The following C16orf96 variants were observed in gnomAD, a reference collection of about 807,000 sequenced individuals.
C16orf96 encodes the protein chromosome 16 open reading frame 96, also known as uncharacterized protein C16orf96.
C16orf96 carries 108 observed loss-of-function variants against 103.6 expected under a neutral mutation model. The observed-to-expected ratio is 1.04, with a 90% CI of 0.89 to 1.22. C16orf96 has a LOEUF of 1.22. Among genes scored for constraint, C16orf96 ranks in the 50% most tolerant of loss-of-function variants. C16orf96 has a pLI of 0.00. For missense variants in C16orf96, 1,586 were observed against 1,464.2 expected (o/e 1.08, Z -1.36); for synonymous variants, 566 against 593.5 (o/e 0.95, Z 0.67).
In C16orf96 at chr16:4,594,469, C is replaced by G. The variant is rs755411665; in HGVS notation, c.2986C>G (p.Leu996Val). Reference protein sequence around the residue: ...LKCKSCNLLTLYPYGDPHVID... With the variant: ...LKCKSCNLLTVYPYGDPHVID... ...GTGCAAGTCCTGCAACCTGTTGACGCTCTATCCCTACGGGGATCCCCACGT... is the reference window on the plus strand; with the variant it reads ...GTGCAAGTCCTGCAACCTGTTGACGGTCTATCCCTACGGGGATCCCCACGT... The change falls in exon 13 of 16, where the codon CTC becomes GTC. Residue 996 changes from leucine (L) to valine (V), a missense_variant. Coordinates refer to ENST00000444310, the MANE Select transcript of C16orf96 (RefSeq NM_001145011.2). The G allele has an allele frequency of 3.2e-6, 5 of 1,551,522 alleles. No homozygotes were observed. The South Asian group carries it at 5.9e-5, about 18-fold the overall frequency.
At chr16:4,599,992 C>T (rs760729499) in intron 15 of C16orf96, 108 bp from the exon 16 acceptor site, 2 of 1,156,392 alleles carry the variant, frequency 1.7e-6, no homozygotes, top group Admixed American at 2.1e-5. Flanking sequence ...CTGTACAGCA[C>T]TTCTAGTCCT....
At chr16:4,582,546 G>A (rs993544648) in intron 7 of C16orf96, among the ~76,000 whole-genome samples, 1 of 152,222 alleles carries the variant, frequency 6.6e-6, no homozygotes, top group Admixed American at 6.5e-5. Context: ...AAGTGGGGGT[G>A]GACAGGAGGG....
intron 14 of C16orf96, among the ~76,000 whole-genome samples, chr16:4,598,249 G>A (rs1299948036): frequency 6.6e-6 from 1 of 152,184 alleles, no homozygotes; most frequent in Non-Finnish European, 1.5e-5. Context: ...TACTTGGGGG[G>A]CTGAGGCGGG....
chr16:4,569,416 T>G (rs375478279), intron 1 of C16orf96, among the ~76,000 whole-genome samples: 2 of 152,240 alleles, frequency 1.3e-5, no homozygotes, highest in Middle Eastern at 6.8e-3. Context: ...TCTCTTCCTT[T>G]CTCCTTCCCC....
Position 4,594,833 on chromosome 16 carries a change from C to G in C16orf96, c.3127+30C>G, listed in dbSNP as rs2141764006. The G allele has an allele frequency of 5.2e-6, 8 of 1,544,360 alleles. No homozygotes were observed. The South Asian group carries it at 6.0e-5, about 12-fold the overall frequency. ...GGGGCGTAGGGCTCCCTGGGGCACCCTTGCCTGGGGCCCTGGTTCTGCTGG... is the reference window on the plus strand; with the variant it reads ...GGGGCGTAGGGCTCCCTGGGGCACCGTTGCCTGGGGCCCTGGTTCTGCTGG... On this transcript the variant is annotated intron_variant, in intron 14 of 15. Coordinates refer to ENST00000444310, the MANE Select transcript of C16orf96 (RefSeq NM_001145011.2).
chr16:4,591,036 A>G (rs1173829752), intron 9 of C16orf96, among the ~76,000 whole-genome samples: 3 of 151,524 alleles, frequency 2.0e-5, no homozygotes, highest in Admixed American at 6.6e-5. Context: ...CCCTCTCAAA[A>G]AAAAGCCAGG....
chr16:4,550,343 C>G, the C16orf96 span, among the ~76,000 whole-genome samples: 1 of 152,100 alleles, frequency 6.6e-6, no homozygotes, highest in Non-Finnish European at 1.5e-5. Flanking sequence ...TCTCAGCCTC[C>G]CACAGTGCTG....
chr16:4,575,747 G>A lies in C16orf96; in HGVS notation c.1267G>A (p.Ala423Thr), dbSNP rs558964020. 198 of 1,545,842 alleles carry A rather than the reference G, an allele frequency of 1.3e-4. 6 individuals are homozygous for A. The highest frequency in any genetic ancestry group is 8.3e-4 in the South Asian group (69 of 83,298). Residue 423 changes from alanine (A) to threonine (T), a missense_variant, in exon 5 of 16, where the codon GCC becomes ACC. By Grantham distance (58) the Ala-to-Thr change is moderately conservative. Transcript: ENST00000444310. ...LRPTQPQPSR[A>T]PPPATEFGSL... ...GCCAACTCAGCCCCAACCCTCCAGG[G>A]CCCCACCACCAGCCACTGAGTTTGG... is the stretch of plus-strand genomic sequence containing the variant.
chr16:4,545,371 T>A, the C16orf96 span, among the ~76,000 whole-genome samples: 1 of 152,096 alleles, frequency 6.6e-6, no homozygotes, highest in African/African-American at 2.4e-5. Context: ...CACAACCAGC[T>A]ATATATATTT....
chr16:4,548,649 G>C, the C16orf96 span, among the ~76,000 whole-genome samples: 2 of 152,146 alleles, frequency 1.3e-5, no homozygotes, highest in African/African-American at 4.8e-5. Flanking sequence ...AAGGCAGGTG[G>C]ATCACCTGAG....
chr16:4,595,686 G>GA (rs1240596449), intron 14 of C16orf96, among the ~76,000 whole-genome samples: 1 of 59,620 alleles, frequency 1.7e-5, no homozygotes, highest in Non-Finnish European at 4.3e-5. Flanking sequence ...AGAAATTCTG[G>GA]TTTTTTGTTG....
rs562916436 is a variant in C16orf96 at position 4,579,014 on chromosome 16, T to G, written c.2230T>G (p.Ser744Ala). The change falls in exon 6 of 16, where the codon TCT becomes GCT. Residue 744 changes from serine to alanine, a missense_variant. Coordinates refer to ENST00000444310, the MANE Select transcript of C16orf96 (RefSeq NM_001145011.2). ...GAAAAAGATTGGCAGCCTCCAGAAA[T>G]CTAGGCTCAAGGTTAGTGTCTCCGG... The part of the protein sequence containing the change: ...LQKKIGSLQK[S>A]RLKEEELERI... 258 of 1,551,364 alleles carry G rather than the reference T, an allele frequency of 1.7e-4. No homozygotes were observed. Among genetic ancestry groups the G allele is most frequent in the Non-Finnish European group, 2.2e-4 (248 of 1,146,870 alleles).
intron 14 of C16orf96, among the ~76,000 whole-genome samples, chr16:4,597,653 C>T (rs1223153746): frequency 2.0e-5 from 3 of 151,982 alleles, no homozygotes; most frequent in Non-Finnish European, 4.4e-5. Flanking sequence ...ACCTCCTGGG[C>T]TCAAGAAATC....
intron 11 of C16orf96, 142 bp downstream of exon 11, chr16:4,592,509 T>G: frequency 2.1e-6 from 2 of 965,744 alleles, no homozygotes; most frequent in Non-Finnish European, 3.1e-6. Context: ...AGCCATCAAG[T>G]CCATACACGC....
chr16:4,556,568 C>T lies in C16orf96; in HGVS notation c.79C>T (p.His27Tyr), dbSNP rs2059264482. 8 of 1,551,692 alleles carry T rather than the reference C, an allele frequency of 5.2e-6. No individual in the cohort carries two copies. The highest frequency in any genetic ancestry group is 7.0e-6 in the Non-Finnish European group (8 of 1,146,994). Residue 27 changes from histidine to tyrosine, a missense_variant, in exon 1 of 16, where the codon CAC becomes TAC. By Grantham distance (83) the His-to-Tyr change is moderately conservative. Coordinates refer to ENST00000444310, the MANE Select transcript of C16orf96 (RefSeq NM_001145011.2). ...QCGVLNFKALHLLLHGILEHI... is the reference protein window; with the variant it reads ...QCGVLNFKALYLLLHGILEHI... ...CGGGGTGCTGAACTTCAAGGCCCTG[C>T]ACCTCCTGCTGCACGGCATCTTGGA...
the C16orf96 span, among the ~76,000 whole-genome samples, chr16:4,544,066 G>C: frequency 6.6e-6 from 1 of 152,190 alleles, no homozygotes; most frequent in South Asian, 2.1e-4. Context: ...TGGAAACTAA[G>C]GAGGGGTCAT....
Position 4,582,397 on chromosome 16 carries a change from G to A in C16orf96, c.2352+2272G>A, listed in dbSNP as rs529593364. Reference sequence around the variant, plus strand: ...CTGTTGCTGGGATGCACTGGGGTGTGTTGGGGGAAAAGGGACCAAGGAAAC... The same window carrying A: ...CTGTTGCTGGGATGCACTGGGGTGTATTGGGGGAAAAGGGACCAAGGAAAC... On this transcript the variant is annotated intron_variant, in intron 7 of 15. Coordinates refer to ENST00000444310, the MANE Select transcript of C16orf96 (RefSeq NM_001145011.2). Among the ~76,000 whole-genome samples, 5 of 152,254 alleles carry A rather than the reference G, an allele frequency of 3.3e-5. No homozygotes were observed. The South Asian group carries it at 1.0e-3, about 32-fold the overall frequency.
intron 1 of C16orf96, among the ~76,000 whole-genome samples, chr16:4,563,782 T>G (rs1201582050): frequency 6.7e-6 from 1 of 148,444 alleles, no homozygotes; most frequent in Non-Finnish European, 1.5e-5. Flanking sequence ...TTGGCCAGGC[T>G]GGTCTTGAAC....
chr16:4,569,572 G>C (rs1433156258), intron 1 of C16orf96, among the ~76,000 whole-genome samples: 4 of 151,580 alleles, frequency 2.6e-5, no homozygotes, highest in Admixed American at 6.6e-5. Flanking sequence ...GGCCAACATG[G>C]TGAAACCCCA....
Sources: allele counts gnomAD v4.1 joint callset (sites outside exome capture counted in the v4.1 genomes callset), GRCh38; gene constraint gnomAD v4.1.1; transcripts MANE v1.5; gene names NCBI Gene and HGNC (gene_info 2026-07-23, HGNC 2026-07-21).